The following CAD variants were observed in gnomAD, a reference collection of about 807,000 sequenced individuals.
CAD encodes carbamoyl-phosphate synthetase 2, aspartate transcarbamylase, and dihydroorotase, also known as multifunctional protein CAD.
A neutral mutation model predicts 237.2 loss-of-function variants in CAD; 81 were observed. The observed-to-expected ratio is 0.34, with a 90% confidence interval of 0.29 to 0.41. The LOEUF (loss-of-function observed/expected upper bound fraction) is 0.41, where lower values mean the gene tolerates loss of function less well. CAD is among the 10% of genes least tolerant of loss of function. The pLI is 1.00. For missense variants in CAD, 2,181 were observed against 2,951.7 expected (o/e 0.74, Z 6.05); for synonymous variants, 1,196 against 1,162.8 (o/e 1.03, Z -0.58).
At chr2:27,238,233 A>G (rs1237337605) in intron 30 of CAD, 46 bp downstream of exon 30, 3 of 1,604,410 alleles carry the variant, frequency 1.9e-6, no homozygotes, top group Admixed American at 1.7e-5. Context: ...CTTTCCCAGT[A>G]ACACCAAAGG....
In CAD at chr2:27,243,185, A is replaced by G. The variant is rs760694449; in HGVS notation, c.6481-13A>G. ...ACCCCAAGGCACTAATGGGGACCCCATCTGCTTTGCAGTGCTTTGGTCAGT... is the reference window on the plus strand; with the variant it reads ...ACCCCAAGGCACTAATGGGGACCCCGTCTGCTTTGCAGTGCTTTGGTCAGT... On this transcript the variant is annotated splice_polypyrimidine_tract_variant and intron_variant, in intron 42 of 43. Coordinates refer to ENST00000264705, the MANE Select transcript of CAD (RefSeq NM_004341.5). The G allele has an allele frequency of 1.2e-6, 2 of 1,613,698 alleles. No homozygotes were observed. The highest frequency in any genetic ancestry group is 2.2e-5 in the East Asian group (1 of 44,872).
chr2:27,228,407 C>A (rs1675545541), intron 15 of CAD, among the ~76,000 whole-genome samples: 1 of 152,148 alleles, frequency 6.6e-6, no homozygotes, highest in Admixed American at 6.6e-5. Context: ...GGAAATTTAT[C>A]CTAAGGAGAT....
rs748290397 is a variant in CAD at position 27,243,562 on chromosome 2, G to A, written c.*44G>A. 4 of 1,462,524 alleles carry A rather than the reference G, an allele frequency of 2.7e-6. No individual in the cohort carries two copies. The South Asian group carries it at 4.9e-5, about 18-fold the overall frequency. 90.6% of individuals were successfully genotyped at this position (1,462,524 alleles called of 1,614,324 possible). ...TCTTCTCTTTAGGCCCAGCTGCTGG[G>A]CAAGGAATTCCAGTGCCTCCTACGG... On this transcript the variant is annotated 3_prime_UTR_variant, in exon 44 of 44. Coordinates refer to ENST00000264705, the MANE Select transcript of CAD (RefSeq NM_004341.5).
In CAD at chr2:27,240,196, G is replaced by A; in HGVS notation, c.5497-69G>A. 2.3e-6 allele frequency: 3 copies of A among 1,306,390 alleles called. No homozygotes were observed. The highest frequency in any genetic ancestry group is 2.2e-6 in the Non-Finnish European group (2 of 924,132). 80.9% of individuals were successfully genotyped at this position (1,306,390 alleles called of 1,614,324 possible). Reference sequence around the variant, plus strand: ...GTCACGCCACTGCACTCCAGCCTGAGCGACAGAACGAGACTCCGTCTCAAA... The same window carrying A: ...GTCACGCCACTGCACTCCAGCCTGAACGACAGAACGAGACTCCGTCTCAAA... On this transcript the variant is annotated intron_variant, in intron 34 of 43. Coordinates refer to ENST00000264705, the MANE Select transcript of CAD (RefSeq NM_004341.5). This position sits in a 1 kb window ranked among gnomAD's most constrained non-coding sequence, Gnocchi z 4.6.
At chr2:27,223,497 T>C in intron 6 of CAD, 66 bp from the exon 7 acceptor site, 1 of 1,397,276 alleles carries the variant, frequency 7.2e-7, no homozygotes, top group Non-Finnish European at 1.0e-6. Flanking sequence ...CGGTGAGAGC[T>C]GGGGTAGGTT....
Position 27,236,524 on chromosome 2 carries a change from G to A in CAD, c.4314+1G>A. 1 of 1,610,450 alleles carries A rather than the reference G, an allele frequency of 6.2e-7. No homozygotes were observed. The highest frequency in any genetic ancestry group is 8.5e-7 in the Non-Finnish European group (1 of 1,179,920). On this transcript the variant is annotated splice_donor_variant, in intron 26 of 43. Coordinates refer to ENST00000264705, the MANE Select transcript of CAD (RefSeq NM_004341.5). LOFTEE classifies it high-confidence loss of function. The surrounding 1 kb of genome is among the most constrained non-coding windows in gnomAD (Gnocchi z 4.1). ...CAAGTGCACCAAACTCTTTGTGGAG[G>A]TAACTGAGACCCATGTGCTGGGAGG...
rs1262405066 is a variant in CAD at position 27,225,169 on chromosome 2, C to T, written c.1546C>T (p.Arg516Trp). Residue 516 changes from arginine to tryptophan, a missense_variant, in exon 11 of 44, where the codon CGG (arginine) becomes TGG (tryptophan). Arg to Trp is a moderately radical substitution (Grantham distance 101). Transcript: ENST00000264705. ...VETIELTEDR[R>W]AFAARMAEIG... ...GACCATTGAGCTGACCGAGGATCGACGGGCCTTTGCTGCCAGAATGGCAGA... is the reference window on the plus strand; with the variant it reads ...GACCATTGAGCTGACCGAGGATCGATGGGCCTTTGCTGCCAGAATGGCAGA... 5.6e-6 allele frequency: 9 copies of T among 1,614,114 alleles called. No homozygotes were observed. Among genetic ancestry groups the T allele is most frequent in the Admixed American group, 3.3e-5 (2 of 60,018 alleles).
Position 27,217,507 on chromosome 2 carries a change from C to G in CAD, c.-45C>G. The G allele has an allele frequency of 6.6e-7, 1 of 1,510,844 alleles. No individual in the cohort carries two copies. The allele number at this position is 1,510,844 out of a possible 1,614,324, so 93.6% of individuals were successfully genotyped here. A position where few individuals can be genotyped will look rare whatever the true frequency, so the allele number is the denominator to read the frequency against. Reference sequence around the variant, plus strand: ...CGTGGTTCCAGTGGAGTTTGCAGTCCTTCCCGCTTCTCCGTACTCGCCCCC... The same window carrying G: ...CGTGGTTCCAGTGGAGTTTGCAGTCGTTCCCGCTTCTCCGTACTCGCCCCC... On this transcript the variant is annotated 5_prime_UTR_variant, in exon 1 of 44. Coordinates refer to ENST00000264705, the MANE Select transcript of CAD (RefSeq NM_004341.5).
rs1167027109 is a variant in CAD at position 27,217,741 on chromosome 2, C to G, written c.82+108C>G. 5 of 1,426,428 alleles carry G rather than the reference C, an allele frequency of 3.5e-6. No individual in the cohort carries two copies. The African/African-American group carries it at 7.2e-5, about 21-fold the overall frequency. 88.4% of individuals were successfully genotyped at this position (1,426,428 alleles called of 1,614,324 possible). ...CATTTTCCCGCCAGCGTACCCCCTT[C>G]CCCCATTCGGTGCCCATGGGCCCCA... is the stretch of plus-strand genomic sequence containing the variant. On this transcript the variant is annotated intron_variant, in intron 1 of 43. Transcript: ENST00000264705.
Position 27,222,985 on chromosome 2 carries a change from C to G in CAD, c.757C>G (p.Leu253Val). ...PNPRPVFGIC[L>V]GHQLLALAIG... ...TCCCCGACCTGTCTTTGGGATCTGC[C>G]TGGGACACCAGCTATTGGCCTTAGC... Residue 253 changes from leucine (L) to valine (V), a missense_variant, in exon 6 of 44, where the codon CTG becomes GTG. Transcript: ENST00000264705. The G allele has an allele frequency of 6.2e-7, 1 of 1,614,154 alleles. No homozygotes were observed. Among genetic ancestry groups the G allele is most frequent in the Non-Finnish European group, 8.5e-7 (1 of 1,180,028 alleles).
Position 27,238,626 on chromosome 2 carries a change from G to A in CAD, c.5056G>A (p.Asp1686Asn). Residue 1686 changes from aspartate (D) to asparagine (N), a missense_variant, in exon 31 of 44, where the codon GAC becomes AAC. Around this residue, in one of 12 missense-constraint regions of CAD, gnomAD observed 478 missense variants for 515.0 expected, o/e 0.93. Transcript: ENST00000264705. ...GGCTGTCATCGACTGCTTTGCCTCA[G>A]ACCATGGTGAGAGAATCCAGCATGT... ...NMAVIDCFASDHAPHTLEEKC... is the reference protein window; with the variant it reads ...NMAVIDCFASNHAPHTLEEKC... The A allele has an allele frequency of 1.2e-6, 2 of 1,609,058 alleles. No individual in the cohort carries two copies. Among genetic ancestry groups the A allele is most frequent in the Non-Finnish European group, 1.7e-6 (2 of 1,177,626 alleles).
rs1485261034 is a variant in CAD, at chr2:27,234,449, A to C, written c.3619-69A>C. The C allele has an allele frequency of 1.1e-5, 16 of 1,458,206 alleles. No individual in the cohort carries two copies. The South Asian group carries it at 1.5e-4, about 13-fold the overall frequency. The allele number at this position is 1,458,206 out of a possible 1,614,324, so 90.3% of individuals were successfully genotyped here. A position where few individuals can be genotyped will look rare whatever the true frequency, so the allele number is the denominator to read the frequency against. ...CCCAGAGCTGAGGACGGAGAGGAAG[A>C]GTCTAGGCCTATAGATAGTGTCAGC... On this transcript the variant is annotated intron_variant, in intron 22 of 43. Transcript: ENST00000264705.
At chr2:27,223,462 A>C in intron 6 of CAD, 101 bp from the exon 7 acceptor site, 9 of 946,618 alleles carry the variant, frequency 9.5e-6, no homozygotes, top group African/African-American at 1.7e-5. Context: ...AGGAAACAGG[A>C]GTGAGGCTAC....
chr2:27,241,779 T>A lies in CAD; in HGVS notation c.5884-132T>A, dbSNP rs1242856442. 1.3e-5 allele frequency: 9 copies of A among 685,304 alleles called. No individual in the cohort carries two copies. The African/African-American group carries it at 1.4e-4, about 11-fold the overall frequency. The allele number at this position is 685,304 out of a possible 1,614,324, so 42.5% of individuals were successfully genotyped here. Reference sequence around the variant, plus strand: ...GTGGAAACGTCAAGGCTCTGACAGGTCACAGGGGAGGTTTGGGTGCAGAAG... The same window carrying A: ...GTGGAAACGTCAAGGCTCTGACAGGACACAGGGGAGGTTTGGGTGCAGAAG... On this transcript the variant is annotated intron_variant, in intron 38 of 43. Coordinates refer to ENST00000264705, the MANE Select transcript of CAD (RefSeq NM_004341.5). This position sits in a 1 kb window ranked among gnomAD's most constrained non-coding sequence, Gnocchi z 4.6.
At chr2:27,226,429 C>T (rs1279497924) in intron 13 of CAD, 96 bp from the exon 14 acceptor site, 3 of 1,543,908 alleles carry the variant, frequency 1.9e-6, no homozygotes, top group Non-Finnish European at 2.7e-6. Flanking sequence ...GGAGTACAAG[C>T]TGGAATCTTC....
intron 3 of CAD, among the ~76,000 whole-genome samples, chr2:27,221,614 CATCAT>C (rs1398083196): frequency 1.3e-5 from 2 of 152,062 alleles, no homozygotes; most frequent in Non-Finnish European, 2.9e-5. Context: ...AAATCTCAGA[CATCAT>C]ATCATTTCAT....
At position 27,243,390 on chromosome 2, in the gene CAD, C is replaced by CTT. The variant is rs5830040; in HGVS notation, c.6576-6_6576-5dup. The CTT allele has an allele frequency of 4.9e-3, 6,658 of 1,369,372 alleles. 5 individuals are homozygous for CTT. Among genetic ancestry groups the CTT allele is most frequent in the South Asian group, 7.1e-3 (551 of 77,810 alleles). 84.8% of individuals were successfully genotyped at this position (1,369,372 alleles called of 1,614,324 possible). A position where few individuals can be genotyped will look rare whatever the true frequency, so the allele number is the denominator to read the frequency against. On this transcript the variant is annotated intron_variant, in intron 43 of 43. Coordinates refer to ENST00000264705, the MANE Select transcript of CAD (RefSeq NM_004341.5). ...TCCATGGGCTGCACGATAACACTTC[C>CTT]TTTTTTTTTTTTTTTTTTTTTGCAG...
In CAD at chr2:27,243,207, C is replaced by A; in HGVS notation, c.6490C>A (p.Gln2164Lys). ...CCCATCTGCTTTGCAGTGCTTTGGTCAGTTCATCCTCACTCCCCACATCAT... is the reference window on the plus strand; with the variant it reads ...CCCATCTGCTTTGCAGTGCTTTGGTAAGTTCATCCTCACTCCCCACATCAT... ...STQEYEACFG[Q>K]FILTPHIMTR... The change falls in exon 43 of 44, where the codon CAG (glutamine) becomes AAG (lysine). Residue 2164 changes from glutamine (Q) to lysine (K), a missense_variant. Around this residue, in one of 12 missense-constraint regions of CAD, gnomAD observed 170 missense variants for 212.1 expected, o/e 0.80. Coordinates refer to ENST00000264705, the MANE Select transcript of CAD (RefSeq NM_004341.5). 2 of 1,613,930 alleles carry A rather than the reference C, an allele frequency of 1.2e-6. No individual in the cohort carries two copies. The highest frequency in any genetic ancestry group is 2.2e-5 in the South Asian group (2 of 91,022).
intron 10 of CAD, 41 bp downstream of exon 10, chr2:27,224,917 AG>A (rs1675356783): frequency 1.9e-6 from 3 of 1,612,378 alleles, no homozygotes; most frequent in East Asian, 2.2e-5. Context: ...AGGACTGGGC[AG>A]GGGGGCCCAG....
Sources: allele counts gnomAD v4.1 joint callset (sites outside exome capture counted in the v4.1 genomes callset), GRCh38; gene constraint gnomAD v4.1.1; regional missense constraint gnomAD v4.1.1; non-coding constraint Gnocchi (gnomAD v3.1); transcripts MANE v1.5; gene names NCBI Gene and HGNC (gene_info 2026-07-23, HGNC 2026-07-21).